The following NKAIN2 variants were observed in gnomAD, a reference collection of about 807,000 sequenced individuals.
NKAIN2 encodes sodium/potassium transporting ATPase interacting 2, also known as sodium/potassium-transporting ATPase subunit beta-1-interacting protein 2.
Under a neutral mutation model 32.6 loss-of-function variants are expected in NKAIN2, and 14 were observed. The ratio of observed to expected loss-of-function variants is 0.43; its 90% CI spans 0.28 to 0.67. NKAIN2 has a LOEUF of 0.67. Ranked by LOEUF, NKAIN2 falls within the 30% of genes least tolerant of loss-of-function variation. The pLI is 0.17. For synonymous variants in NKAIN2, 80 were observed against 87.2 expected (o/e 0.92, Z 0.46); for missense variants, 198 against 258.3 (o/e 0.77, Z 1.60).
intron 3 of NKAIN2, among the ~76,000 whole-genome samples, chr6:124,576,207 T>C (rs1781328405): frequency 6.6e-6 from 1 of 152,244 alleles, no homozygotes; most frequent in South Asian, 2.1e-4. Flanking sequence ...TACTGAAGTA[T>C]GATGGTTGTC....
chr6:124,187,130 T>TAAAGGAAATAG (rs1174537776), intron 1 of NKAIN2, among the ~76,000 whole-genome samples: 1 of 152,184 alleles, frequency 6.6e-6, no homozygotes. Context: ...TTGTTTCCTT[T>TAAAGGAAATAG]TTTCTCAGTT....
intron 1 of NKAIN2, among the ~76,000 whole-genome samples, chr6:124,074,887 TC>T (rs143435802): frequency 1.3e-5 from 2 of 152,036 alleles, no homozygotes; most frequent in African/African-American, 4.8e-5. Context: ...TTCCCCCATT[TC>T]CCCATGAAAT....
chr6:124,785,078 G>A (rs1352659085), intron 4 of NKAIN2, among the ~76,000 whole-genome samples: 1 of 152,024 alleles, frequency 6.6e-6, no homozygotes, highest in Non-Finnish European at 1.5e-5. Context: ...GGAAAAAAAA[G>A]TTAGGTCTTT....
chr6:124,532,047 TTAGTAGCCAGTCCC>T, intron 3 of NKAIN2, among the ~76,000 whole-genome samples: 1 of 152,282 alleles, frequency 6.6e-6, no homozygotes. Flanking sequence ...GCTGTCTGAT[TTAGTAGCCAGTCCC>T]TCAGGTGAAG....
intron 1 of NKAIN2, among the ~76,000 whole-genome samples, chr6:124,235,316 A>G (rs533167954): frequency 2.6e-5 from 4 of 152,274 alleles, no homozygotes; most frequent in Admixed American, 6.5e-5. Flanking sequence ...ATCTGAATTC[A>G]TGTCTCCATA....
chr6:124,348,480 G>T (rs1000842543), intron 2 of NKAIN2, among the ~76,000 whole-genome samples: 3 of 152,228 alleles, frequency 2.0e-5, no homozygotes, highest in African/African-American at 4.8e-5. Context: ...GCTGTGGTGG[G>T]CTGCACCCAG....
At chr6:124,075,752 T>A (rs182749295) in intron 1 of NKAIN2, among the ~76,000 whole-genome samples, 1 of 152,178 alleles carries the variant, frequency 6.6e-6, no homozygotes, top group East Asian at 1.9e-4. Flanking sequence ...CCCACCACCA[T>A]GTCCGGCTAA....
At chr6:124,165,818 C>A (rs1427074868) in intron 1 of NKAIN2, among the ~76,000 whole-genome samples, 14 of 144,594 alleles carry the variant, frequency 9.7e-5, no homozygotes, top group South Asian at 4.6e-4. Flanking sequence ...TTTCCAATTT[C>A]ATCCATGTCC....
At chr6:124,101,365 C>A (rs903077646) in intron 1 of NKAIN2, among the ~76,000 whole-genome samples, 2 of 152,130 alleles carry the variant, frequency 1.3e-5, no homozygotes, top group Admixed American at 6.5e-5. Context: ...GGTCACCATT[C>A]CATTTTTGAA....
intron 4 of NKAIN2, among the ~76,000 whole-genome samples, chr6:124,659,468 C>T (rs1024219141): frequency 1.3e-5 from 2 of 149,316 alleles, no homozygotes; most frequent in Non-Finnish European, 3.0e-5. Context: ...ACTAATATAT[C>T]CTTGTTATAT....
At chr6:124,179,812 C>A (rs1243156212) in intron 1 of NKAIN2, among the ~76,000 whole-genome samples, 1 of 152,210 alleles carries the variant, frequency 6.6e-6, no homozygotes, top group Non-Finnish European at 1.5e-5. Flanking sequence ...TCAAAGTACT[C>A]CTTGATTGCA....
chr6:124,180,880 A>G (rs760420444), intron 1 of NKAIN2, among the ~76,000 whole-genome samples: 16 of 151,946 alleles, frequency 1.1e-4, no homozygotes, highest in African/African-American at 3.1e-4. Context: ...TGGATCTACT[A>G]TCGTGGGGTC....
At chr6:124,158,990 A>G (rs1043170549) in intron 1 of NKAIN2, among the ~76,000 whole-genome samples, 1 of 152,162 alleles carries the variant, frequency 6.6e-6, no homozygotes, top group African/African-American at 2.4e-5. Flanking sequence ...TTTGGTGGAG[A>G]TTAATCACTA....
At chr6:124,651,513 A>C (rs904420170) in intron 3 of NKAIN2, among the ~76,000 whole-genome samples, 2 of 152,174 alleles carry the variant, frequency 1.3e-5, no homozygotes, top group Non-Finnish European at 2.9e-5. Context: ...TCCATAGCTC[A>C]TGAACTTGGC....
At chr6:124,476,065 A>AGTGTGTGTGTGTGTGT (rs61191593) in intron 3 of NKAIN2, among the ~76,000 whole-genome samples, 162 of 132,538 alleles carry the variant, frequency 1.2e-3, no homozygotes, top group African/African-American at 4.5e-3. Context: ...AGAGAGAGAG[A>AGTGTGTGTGTGTGTGT]GTGTGTGTGT....
chr6:124,049,109 G>C (rs1015493714), intron 1 of NKAIN2, among the ~76,000 whole-genome samples: 4 of 151,856 alleles, frequency 2.6e-5, no homozygotes, highest in Non-Finnish European at 4.4e-5. Context: ...GGCAATTTTT[G>C]CATCAATTCT....
chr6:124,273,116 GGGA>G (rs1334515876), intron 1 of NKAIN2, among the ~76,000 whole-genome samples: 18 of 152,252 alleles, frequency 1.2e-4, no homozygotes, highest in Non-Finnish European at 2.6e-4. Flanking sequence ...GGGCACTGTT[GGGA>G]AGTCATGATC....
At chr6:124,687,495 T>TACAC (rs1774008086) in intron 4 of NKAIN2, among the ~76,000 whole-genome samples, 2 of 50,330 alleles carry the variant, frequency 4.0e-5, no homozygotes, top group South Asian at 1.8e-3. Flanking sequence ...ATTCCATACA[T>TACAC]ATACATACAT....
chr6:124,100,578 C>T (rs545327333), intron 1 of NKAIN2, among the ~76,000 whole-genome samples: 6 of 152,130 alleles, frequency 3.9e-5, no homozygotes, highest in African/African-American at 1.2e-4. Context: ...TTTTGAGATG[C>T]GATTGTATCA....
Sources: allele counts gnomAD v4.1 joint callset (sites outside exome capture counted in the v4.1 genomes callset), GRCh38; gene constraint gnomAD v4.1.1; transcripts MANE v1.5; gene names NCBI Gene and HGNC (gene_info 2026-07-23, HGNC 2026-07-21).